The following CRYBG2 variants were observed in gnomAD, a reference collection of about 807,000 sequenced individuals.
CRYBG2 encodes the protein crystallin beta-gamma domain containing 2, also known as beta/gamma crystallin domain-containing protein 2.
In CRYBG2, 106 loss-of-function variants were observed where a neutral mutation model predicts 153.4. That is an observed-to-expected ratio of 0.69 (90% CI 0.59 to 0.81). The LOEUF (loss-of-function observed/expected upper bound fraction) is 0.81, where lower values mean the gene tolerates loss of function less well. Among genes scored for constraint, CRYBG2 ranks in the 30% least tolerant of loss-of-function variants. The pLI, the probability that CRYBG2 is intolerant of heterozygous loss-of-function variation, is 0.00. For synonymous variants in CRYBG2, 851 were observed against 877.8 expected (o/e 0.97, Z 0.54); for missense variants, 1,996 against 2,112.0 (o/e 0.95, Z 1.08).
At chr1:26,347,647 G>A (rs1045194912) in intron 1 of CRYBG2, among the ~76,000 whole-genome samples, 1 of 151,644 alleles carries the variant, frequency 6.6e-6, no homozygotes, top group African/African-American at 2.4e-5. Flanking sequence ...CCTCCACCAC[G>A]CCCAGATAAT....
At chr1:26,323,560 T>C (rs1487449188) in intron 18 of CRYBG2, among the ~76,000 whole-genome samples, 1 of 152,228 alleles carries the variant, frequency 6.6e-6, no homozygotes, top group East Asian at 1.9e-4. Context: ...GAACAGAGCC[T>C]GGCACATAGT....
intron 5 of CRYBG2, among the ~76,000 whole-genome samples, chr1:26,340,107 C>A (rs1257528255): frequency 6.6e-6 from 1 of 152,224 alleles, no homozygotes; most frequent in Non-Finnish European, 1.5e-5. Context: ...GGTACGGTTC[C>A]TGCCTCTGTC....
intron 5 of CRYBG2, among the ~76,000 whole-genome samples, chr1:26,340,237 C>T (rs2074113983): frequency 6.6e-6 from 1 of 152,204 alleles, no homozygotes. Context: ...ATGTACGAAG[C>T]ATCTACTGCA....
At position 26,343,938 on chromosome 1, in the gene CRYBG2, C is replaced by T; in HGVS notation, c.2720G>A (p.Ser907Asn). Residue 907 changes from serine (S) to asparagine (N), a missense_variant, in exon 2 of 20, where the codon AGC (serine) becomes AAC (asparagine). Ser to Asn is a conservative substitution (Grantham distance 46). Coordinates refer to ENST00000308182, the MANE Select transcript of CRYBG2 (RefSeq NM_001039775.4). This position sits in a 1 kb window ranked among gnomAD's most constrained non-coding sequence, Gnocchi z 4.1. ...AGGCACCAGACTGCCGAACAGAAGGCTGCCTCCAAGACGGGAAGTGGGCCT... is the reference window on the plus strand; with the variant it reads ...AGGCACCAGACTGCCGAACAGAAGGTTGCCTCCAAGACGGGAAGTGGGCCT... ...GSRPTSRLGG[S>N]LLFGSLVPTA... 3 of 1,538,950 alleles carry T rather than the reference C, an allele frequency of 1.9e-6. No individual in the cohort carries two copies. Among genetic ancestry groups the T allele is most frequent in the Non-Finnish European group, 2.6e-6 (3 of 1,144,916 alleles).
Position 26,344,273 on chromosome 1 carries a change from G to T in CRYBG2, c.2385C>A (p.Ser795=). Residue 795 remains serine (S), a synonymous_variant, in exon 2 of 20, where the codon TCC becomes TCA. Coordinates refer to ENST00000308182, the MANE Select transcript of CRYBG2 (RefSeq NM_001039775.4). Reference sequence around the variant, plus strand: ...CAATGGCAGGCAGCGTGGCGTACATGGACAGGTAGGAGGAGCGAGGGGCTC... The same window carrying T: ...CAATGGCAGGCAGCGTGGCGTACATTGACAGGTAGGAGGAGCGAGGGGCTC... ...LPRAPRSSYL[S]MYATLPAIEE... The T allele has an allele frequency of 6.5e-7, 1 of 1,529,606 alleles. No individual in the cohort carries two copies. Among genetic ancestry groups the T allele is most frequent in the Non-Finnish European group, 8.8e-7 (1 of 1,142,160 alleles). The allele number at this position is 1,529,606 out of a possible 1,614,324, so 94.8% of individuals were successfully genotyped here.
chr1:26,346,353 A>C lies in CRYBG2; in HGVS notation c.305T>G (p.Ile102Arg). 6.3e-7 allele frequency: 1 copy of C among 1,599,294 alleles called. No homozygotes were observed. The highest frequency in any genetic ancestry group is 1.1e-5 in the South Asian group (1 of 91,054). Residue 102 changes from isoleucine to arginine, a missense_variant, in exon 2 of 20, where the codon ATA (isoleucine) becomes AGA (arginine). Coordinates refer to ENST00000308182, the MANE Select transcript of CRYBG2 (RefSeq NM_001039775.4). The surrounding 1 kb of genome is among the most constrained non-coding windows in gnomAD (Gnocchi z 4.9). ...SHGPIFSKKY[I>R]PPPKEKRPEG... is the part of the protein sequence containing the mutation. Reference sequence around the variant, plus strand: ...AGGCCTTTTCTCCTTGGGAGGTGGTATGTACTTCTTGGAAAAGATGGGTCC... The same window carrying C: ...AGGCCTTTTCTCCTTGGGAGGTGGTCTGTACTTCTTGGAAAAGATGGGTCC...
At chr1:26,334,252 C>T (rs1433703787) in intron 14 of CRYBG2, among the ~76,000 whole-genome samples, 1 of 152,064 alleles carries the variant, frequency 6.6e-6, no homozygotes, top group Non-Finnish European at 1.5e-5. Flanking sequence ...GTGAGACCCC[C>T]ATCTCTACAA....
At position 26,336,584 on chromosome 1, in the gene CRYBG2, G is replaced by A. The variant is rs1409103376; in HGVS notation, c.4038+22C>T. On this transcript the variant is annotated intron_variant, in intron 12 of 19. Coordinates refer to ENST00000308182, the MANE Select transcript of CRYBG2 (RefSeq NM_001039775.4). The surrounding 1 kb of genome is among the most constrained non-coding windows in gnomAD (Gnocchi z 4.9). ...CAGGTCCCGCCACCGGGGAGGCCCC[G>A]CCCCCCGCGGCCGGCACGCACCTGT... 11 of 1,543,658 alleles carry A rather than the reference G, an allele frequency of 7.1e-6. No individual in the cohort carries two copies. The highest frequency in any genetic ancestry group is 9.6e-6 in the Non-Finnish European group (11 of 1,144,046).
rs2074068493 is a variant in CRYBG2, at chr1:26,336,983, G to A, written c.3772-3C>T. ...ACGACGGCCGGGTCCCCGAAGTCCT[G>A]GGTCCCCAGGGACAGTCAGGTCTCT... On this transcript the variant is annotated splice_polypyrimidine_tract_variant and splice_region_variant and intron_variant, in intron 10 of 19. Coordinates refer to ENST00000308182, the MANE Select transcript of CRYBG2 (RefSeq NM_001039775.4). The surrounding 1 kb of genome is among the most constrained non-coding windows in gnomAD (Gnocchi z 4.9). 6.2e-7 allele frequency: 1 copy of A among 1,613,408 alleles called. No homozygotes were observed. The highest frequency in any genetic ancestry group is 8.5e-7 in the Non-Finnish European group (1 of 1,179,858).
chr1:26,337,120 A>G (rs1016525738), intron 10 of CRYBG2, 133 bp downstream of exon 10: 2 of 1,551,206 alleles, frequency 1.3e-6, no homozygotes, highest in African/African-American at 2.7e-5. Flanking sequence ...GCAGGGGAAG[A>G]GAGGCTAGAC....
In CRYBG2 at chr1:26,337,523, G is replaced by T. The variant is rs780707512; in HGVS notation, c.3644+15C>A. ...CAGAGGTGATGAAATAGAAGGAAGG[G>T]TCCTGAGTTCTCACCAGCCTCCGAG... On this transcript the variant is annotated intron_variant, in intron 9 of 19. Transcript: ENST00000308182. 1.2e-6 allele frequency: 2 copies of T among 1,611,192 alleles called. No homozygotes were observed. Among genetic ancestry groups the T allele is most frequent in the Non-Finnish European group, 1.7e-6 (2 of 1,179,796 alleles).
rs116351519 is a variant in CRYBG2, at chr1:26,353,150, T to C, written c.-56+886A>G. 5.8e-3 allele frequency among the ~76,000 whole-genome samples: 879 copies of C among 152,258 alleles called. 9 individuals are homozygous for C. Among genetic ancestry groups the C allele is most frequent in the African/African-American group, 0.019 (790 of 41,554 alleles). On this transcript the variant is annotated intron_variant, in intron 1 of 19. Coordinates refer to ENST00000308182, the MANE Select transcript of CRYBG2 (RefSeq NM_001039775.4). ...AGATTCTAGCCCCTTCACTTTCTAG[T>C]TGACTTTGAGCAAGTGACTTTCAGA... is the stretch of plus-strand genomic sequence containing the variant.
Position 26,328,814 on chromosome 1 carries a change from G to C in CRYBG2, c.4374C>G (p.Ile1458Met), listed in dbSNP as rs369346813. Reference protein sequence around the residue: ...YGLECFEGKEIELSREVRSLQ... With the variant: ...YGLECFEGKEMELSREVRSLQ... ...GGCTCCGCACCTCCCTGCTGAGCTC[G>C]ATCTCCTTCCCCTCGAAGCACTCGA... The change falls in exon 16 of 20, where the codon ATC becomes ATG. Residue 1458 changes from isoleucine (I) to methionine (M), a missense_variant. Coordinates refer to ENST00000308182, the MANE Select transcript of CRYBG2 (RefSeq NM_001039775.4). 4 of 1,614,072 alleles carry C rather than the reference G, an allele frequency of 2.5e-6. No homozygotes were observed. The highest frequency in any genetic ancestry group is 1.6e-4 in the Middle Eastern group (1 of 6,062).
In CRYBG2 at chr1:26,326,919, TG is replaced by T. The variant is rs569757707; in HGVS notation, c.4578+1289del. 1.3e-3 allele frequency: 639 copies of T among 491,438 alleles called. 3 individuals are homozygous for T. Among genetic ancestry groups the T allele is most frequent in the African/African-American group, 0.011 (554 of 51,260 alleles). 30.4% of individuals were successfully genotyped at this position (491,438 alleles called of 1,614,324 possible). Reference sequence around the variant, plus strand: ...ACAAAAAACATGTCAGGAGGGCCTATGGTGGTTCCAGGTATGCTAAATGTGT... The same window carrying T: ...ACAAAAAACATGTCAGGAGGGCCTATGTGGTTCCAGGTATGCTAAATGTGT... On this transcript the variant is annotated intron_variant, in intron 17 of 19. Coordinates refer to ENST00000308182, the MANE Select transcript of CRYBG2 (RefSeq NM_001039775.4).
chr1:26,335,378 G>A (rs1267103953), intron 14 of CRYBG2, among the ~76,000 whole-genome samples: 1 of 152,234 alleles, frequency 6.6e-6, no homozygotes, highest in African/African-American at 2.4e-5. Flanking sequence ...TGGGAAGGCT[G>A]AGGCAGGAGA....
chr1:26,322,438 G>A, intron 18 of CRYBG2, 115 bp from the exon 19 acceptor site: 1 of 1,243,210 alleles, frequency 8.0e-7, no homozygotes. Flanking sequence ...GTGGCCCTGG[G>A]CAAGTCTCTT....
rs1190792379 is a variant in CRYBG2 at position 26,337,319 on chromosome 1, T to C, written c.3705A>G (p.Glu1235=). The C allele has an allele frequency of 6.2e-7, 1 of 1,613,888 alleles. No individual in the cohort carries two copies. Among genetic ancestry groups the C allele is most frequent in the Non-Finnish European group, 8.5e-7 (1 of 1,179,964 alleles). ...RGHQYLLEEG[E]YPDWSHWGGY... ...CTCCCCAGTGTGACCAGTCTGGGTATTCCCCCTCCTCCAGCAGATACTGGT... is the reference window on the plus strand; with the variant it reads ...CTCCCCAGTGTGACCAGTCTGGGTACTCCCCCTCCTCCAGCAGATACTGGT... The change falls in exon 10 of 20, where the codon GAA becomes GAG. Residue 1235 remains glutamate, a synonymous_variant. Coordinates refer to ENST00000308182, the MANE Select transcript of CRYBG2 (RefSeq NM_001039775.4).
At chr1:26,337,065 C>T in intron 10 of CRYBG2, 85 bp from the exon 11 acceptor site, 1 of 1,576,968 alleles carries the variant, frequency 6.3e-7, no homozygotes, top group Non-Finnish European at 8.6e-7. Context: ...ACAGCCCACC[C>T]GGGGAATTAG....
chr1:26,323,275 C>A (rs1184418785), intron 18 of CRYBG2, among the ~76,000 whole-genome samples: 1 of 151,914 alleles, frequency 6.6e-6, no homozygotes, highest in African/African-American at 2.4e-5. Context: ...GAGATGGCAT[C>A]TCATTATGCT....
Sources: gnomAD v4.1 joint callset for allele counts (sites outside exome capture counted in the v4.1 genomes callset) on GRCh38, gnomAD v4.1.1 for gene constraint, Gnocchi (gnomAD v3.1) non-coding constraint, MANE v1.5 for transcripts, NCBI Gene and HGNC (gene_info 2026-07-23, HGNC 2026-07-21) for gene names.